CRACR2A: variants seen among roughly 807,000 people sequenced by gnomAD.
CRACR2A encodes the protein EF-hand calcium-binding domain-containing protein 4B.
A neutral mutation model predicts 90.5 loss-of-function variants in CRACR2A; 79 were observed. The observed-to-expected ratio is 0.87, with a 90% CI of 0.73 to 1.05. The LOEUF is 1.05. Ranked by LOEUF, CRACR2A falls within the 50% of genes least tolerant of loss-of-function variation. The pLI is 0.00. For synonymous variants in CRACR2A, 338 were observed against 356.7 expected (o/e 0.95, Z 0.59); for missense variants, 823 against 897.2 (o/e 0.92, Z 1.06).
intron 18 of CRACR2A, among the ~76,000 whole-genome samples, chr12:3,617,843 A>G (rs976170962): frequency 2.0e-5 from 3 of 149,820 alleles, no homozygotes; most frequent in African/African-American, 7.3e-5. Context: ...CTGTGGCTGT[A>G]GCTCAGGAGG....
intron 7 of CRACR2A, among the ~76,000 whole-genome samples, chr12:3,668,119 G>A (rs527834660): frequency 9.1e-4 from 139 of 152,262 alleles, no homozygotes; most frequent in Middle Eastern, 3.4e-3. Flanking sequence ...TTTGCTCTCA[G>A]GGCAATGTTA....
rs61700635 is a variant in CRACR2A at position 3,687,818 on chromosome 12, A to T, written c.229-7469T>A. Among the ~76,000 whole-genome samples, 30 of 152,316 alleles carry T rather than the reference A, an allele frequency of 2.0e-4. No individual in the cohort carries two copies. In the East Asian group the frequency reaches 5.8e-3, roughly 29 times the overall value. ...TTTACACTCCCACCAACAGTGTGTA[A>T]GTGTTCCTTTATCTCTGCAACCTTG... On this transcript the variant is annotated intron_variant, in intron 4 of 19. Coordinates refer to ENST00000440314, the MANE Select transcript of CRACR2A (RefSeq NM_001144958.2).
intron 4 of CRACR2A, among the ~76,000 whole-genome samples, chr12:3,688,819 G>A (rs1945607700): frequency 1.3e-5 from 2 of 152,218 alleles, no homozygotes; most frequent in Admixed American, 1.3e-4. Flanking sequence ...TGATGCATGA[G>A]CATAGAATGT....
At position 3,720,074 on chromosome 12, in the gene CRACR2A, G is replaced by A. The variant is rs553623444; in HGVS notation, c.-117-6757C>T. Among the ~76,000 whole-genome samples, 13 of 151,134 alleles carry A rather than the reference G, an allele frequency of 8.6e-5. No individual in the cohort carries two copies. In the East Asian group the frequency reaches 2.3e-3, roughly 27 times the overall value. On this transcript the variant is annotated intron_variant, in intron 2 of 19. Coordinates refer to ENST00000440314, the MANE Select transcript of CRACR2A (RefSeq NM_001144958.2). ...GCAGAAGTTGCAGTGAGCTGAGATCGTGCCATTGCAATGCAGTCTAGGCAA... is the reference window on the plus strand; with the variant it reads ...GCAGAAGTTGCAGTGAGCTGAGATCATGCCATTGCAATGCAGTCTAGGCAA...
chr12:3,735,539 G>A (rs1287295673), intron 1 of CRACR2A, among the ~76,000 whole-genome samples: 2 of 152,212 alleles, frequency 1.3e-5, no homozygotes, highest in African/African-American at 2.4e-5. Context: ...GTGTTTGAAA[G>A]TTTTCTGGGT....
intron 17 of CRACR2A, among the ~76,000 whole-genome samples, chr12:3,620,707 G>A (rs1944113742): frequency 1.3e-5 from 2 of 152,158 alleles, no homozygotes; most frequent in South Asian, 4.1e-4. Context: ...TCAAGTCTCT[G>A]CTACTTAGTA....
At chr12:3,655,356 T>C (rs1371936473) in intron 9 of CRACR2A, among the ~76,000 whole-genome samples, 1 of 151,996 alleles carries the variant, frequency 6.6e-6, no homozygotes, top group South Asian at 2.1e-4. Context: ...GTTCCCGGAG[T>C]AGAAATCATC....
At chr12:3,714,639 A>C (rs753291241) in intron 2 of CRACR2A, among the ~76,000 whole-genome samples, 9 of 152,194 alleles carry the variant, frequency 5.9e-5, no homozygotes, top group Non-Finnish European at 1.3e-4. Context: ...TTAAGAGATG[A>C]TTTTTATTTT....
intron 2 of CRACR2A, chr12:3,731,769 T>C (rs1946364051): frequency 6.6e-6 from 1 of 152,218 alleles, no homozygotes; most frequent in Admixed American, 6.5e-5. Flanking sequence ...GGTGTCCTTA[T>C]AAAAATGGGA....
intron 14 of CRACR2A, among the ~76,000 whole-genome samples, chr12:3,636,571 T>TAG (rs1944457758): frequency 1.3e-5 from 2 of 152,268 alleles, no homozygotes; most frequent in Non-Finnish European, 2.9e-5. Flanking sequence ...CCATAGCAGA[T>TAG]GTCTGAGCAG....
intron 3 of CRACR2A, among the ~76,000 whole-genome samples, chr12:3,698,773 C>T (rs531187229): frequency 1.8e-4 from 27 of 152,300 alleles, no homozygotes; most frequent in African/African-American, 6.5e-4. Flanking sequence ...GTCTCCATGG[C>T]TTTTATGTGC....
intron 11 of CRACR2A, among the ~76,000 whole-genome samples, chr12:3,647,725 C>G (rs1944714834): frequency 6.6e-6 from 1 of 152,168 alleles, no homozygotes; most frequent in African/African-American, 2.4e-5. Context: ...GCTTCCCTTG[C>G]TTTCACAAAA....
At chr12:3,670,413 A>C (rs982514219) in intron 7 of CRACR2A, among the ~76,000 whole-genome samples, 10 of 152,098 alleles carry the variant, frequency 6.6e-5, no homozygotes, top group Non-Finnish European at 1.3e-4. Context: ...TCCTCTCTAA[A>C]ACCTGAAAAT....
chr12:3,679,595 C>G (rs770552294), intron 5 of CRACR2A, among the ~76,000 whole-genome samples: 1 of 152,178 alleles, frequency 6.6e-6, no homozygotes, highest in Non-Finnish European at 1.5e-5. Flanking sequence ...CTTATCCTCC[C>G]AAGTCAATTA....
At position 3,637,893 on chromosome 12, in the gene CRACR2A, C is replaced by T. The variant is rs370161883; in HGVS notation, c.1602+231G>A. Among the ~76,000 whole-genome samples the T allele has an allele frequency of 7.4e-4, 112 of 152,248 alleles. 1 individual carries two copies. In the South Asian group the frequency reaches 0.022, roughly 30 times the overall value. The stretch of plus-strand genomic sequence containing the variant: ...TGTTCAGTTTCCTTAGGATTTTGAG[C>T]GTTATTACAAACACAACAGAGGTCT... On this transcript the variant is annotated intron_variant, in intron 14 of 19. Transcript: ENST00000440314.
intron 1 of CRACR2A, among the ~76,000 whole-genome samples, chr12:3,749,991 C>A (rs1946682314): frequency 6.6e-6 from 1 of 151,724 alleles, no homozygotes; most frequent in Non-Finnish European, 1.5e-5. Flanking sequence ...GGCTGGAGTG[C>A]AATGGCGCAA....
Position 3,659,570 on chromosome 12 carries a change from G to A in CRACR2A, c.756C>T (p.Leu252=), listed in dbSNP as rs1565478586. ...QQIKSEKEQF[L]LKDTERFQAR... is the part of the protein sequence containing the mutation. The stretch of plus-strand genomic sequence containing the variant: ...CTGGGGAGCGTACACTTACCTTCAG[G>A]AGAAACTGCTCCTTCTCACTTTTGA... Residue 252 remains leucine, a synonymous_variant, in exon 8 of 20, where the codon CTC becomes CTT. Coordinates refer to ENST00000440314, the MANE Select transcript of CRACR2A (RefSeq NM_001144958.2). 1 of 1,614,050 alleles carries A rather than the reference G, an allele frequency of 6.2e-7. No homozygotes were observed. Among genetic ancestry groups the A allele is most frequent in the South Asian group, 1.1e-5 (1 of 91,068 alleles).
rs552908586 is a variant in CRACR2A at position 3,638,485 on chromosome 12, G to A, written c.1272-31C>T. 59 of 1,499,606 alleles carry A rather than the reference G, an allele frequency of 3.9e-5. 1 individual carries two copies. The South Asian group carries it at 6.1e-4, about 16-fold the overall frequency. 92.9% of individuals were successfully genotyped at this position (1,499,606 alleles called of 1,614,324 possible). On this transcript the variant is annotated intron_variant, in intron 13 of 19. Transcript: ENST00000440314. The stretch of plus-strand genomic sequence containing the variant: ...GGGGCGGGGAAGAGAGAAGAGTTGG[G>A]AGGATTTCACAAAATATTTCAATAC...
chr12:3,640,146 G>A (rs10848895), intron 13 of CRACR2A, among the ~76,000 whole-genome samples: 29,393 of 152,234 alleles, frequency 0.19, 3,613 homozygotes, highest in East Asian at 0.44. Flanking sequence ...CCTGCATCAC[G>A]GCATGACTGA....
Sources: allele counts gnomAD v4.1 joint callset (sites outside exome capture counted in the v4.1 genomes callset), GRCh38; gene constraint gnomAD v4.1.1; transcripts MANE v1.5; gene names NCBI Gene and HGNC (gene_info 2026-07-23, HGNC 2026-07-21).